ATG7: variants seen among roughly 807,000 people sequenced by gnomAD.
ATG7 encodes the protein autophagy related 7, also known as ubiquitin-like modifier-activating enzyme ATG7.
In ATG7, 70 loss-of-function variants were observed where a neutral mutation model predicts 82.4. That is an observed-to-expected ratio of 0.85 (90% CI 0.70 to 1.04). The LOEUF is 1.04. Among genes scored for constraint, ATG7 ranks in the 50% least tolerant of loss-of-function variants. The pLI is 0.00. For synonymous variants in ATG7, 287 were observed against 313.0 expected (o/e 0.92, Z 0.88); for missense variants, 792 against 864.3 (o/e 0.92, Z 1.05).
At chr3:11,382,103 T>C (rs191633885) in intron 19 of ATG7, among the ~76,000 whole-genome samples, 7 of 152,322 alleles carry the variant, frequency 4.6e-5, no homozygotes, top group South Asian at 4.1e-4. Context: ...ATTTTTTCCT[T>C]TGGTAGTTTT....
At chr3:11,275,600 C>T (rs1356756584) in intron 1 of ATG7, among the ~76,000 whole-genome samples, 3 of 150,980 alleles carry the variant, frequency 2.0e-5, no homozygotes, top group Non-Finnish European at 4.4e-5. Flanking sequence ...CCTCGTGATC[C>T]GCCTGCCTCA....
At chr3:11,431,114 A>G (rs2082836409) in intron 20 of ATG7, among the ~76,000 whole-genome samples, 1 of 152,180 alleles carries the variant, frequency 6.6e-6, no homozygotes, top group South Asian at 2.1e-4. Flanking sequence ...AAAACACACC[A>G]TTTTGGCTGG....
At chr3:11,426,994 G>A in intron 20 of ATG7, 68 bp downstream of exon 20, 2 of 1,463,362 alleles carry the variant, frequency 1.4e-6, no homozygotes, top group South Asian at 1.5e-5. Flanking sequence ...TTCGCCATAT[G>A]GAAAAGGAAG....
intron 20 of ATG7, among the ~76,000 whole-genome samples, chr3:11,502,390 A>G (rs1490600915): frequency 1.0e-5 from 1 of 97,874 alleles, no homozygotes; most frequent in Non-Finnish European, 1.9e-5. Context: ...CCACCCCACA[A>G]CAGTCCCCAG....
rs77175900 is a variant in ATG7 at position 11,384,345 on chromosome 3, C to G, written c.1956+4293C>G. Among the ~76,000 whole-genome samples, 327 of 152,322 alleles carry G rather than the reference C, an allele frequency of 2.1e-3. 1 individual carries two copies. The highest frequency in any genetic ancestry group is 7.5e-3 in the African/African-American group (312 of 41,568). On this transcript the variant is annotated intron_variant, in intron 19 of 20. Transcript: ENST00000693202. ...ATACCATCTGGGACCTGCGCAGATG[C>G]AGCAAGATGTGCCCAGAAACCTGAT... is the stretch of plus-strand genomic sequence containing the variant.
intron 19 of ATG7, among the ~76,000 whole-genome samples, chr3:11,396,116 A>AGG (rs1553641952): frequency 5.9e-5 from 8 of 135,320 alleles, no homozygotes; most frequent in Admixed American, 4.1e-4. Context: ...TCAGAAGTAT[A>AGG]GGAAAAAAAA....
intron 19 of ATG7, among the ~76,000 whole-genome samples, chr3:11,392,892 C>T (rs562958952): frequency 2.0e-5 from 3 of 152,138 alleles, no homozygotes; most frequent in Non-Finnish European, 4.4e-5. Context: ...AAGTCTCAGA[C>T]TAAATTTTGC....
chr3:11,472,108 A>T (rs1187936986), intron 20 of ATG7, among the ~76,000 whole-genome samples: 3 of 151,964 alleles, frequency 2.0e-5, no homozygotes, highest in African/African-American at 7.3e-5. Flanking sequence ...TGGAGGTTAG[A>T]CTCTCACACA....
At chr3:11,318,867 C>T (rs1199890600) in intron 9 of ATG7, among the ~76,000 whole-genome samples, 5 of 152,228 alleles carry the variant, frequency 3.3e-5, no homozygotes, top group Non-Finnish European at 7.3e-5. Context: ...TGATTCATTA[C>T]CCCAGGAAGC....
At chr3:11,318,490 CATAGGAGTT>C (rs1482164740) in intron 9 of ATG7, among the ~76,000 whole-genome samples, 3 of 152,354 alleles carry the variant, frequency 2.0e-5, no homozygotes, top group South Asian at 4.1e-4. Context: ...ATGATGGCCT[CATAGGAGTT>C]TTATAGCCTT....
intron 20 of ATG7, among the ~76,000 whole-genome samples, chr3:11,469,721 C>T (rs1175074227): frequency 6.6e-6 from 1 of 151,150 alleles, no homozygotes; most frequent in African/African-American, 2.4e-5. Context: ...CATGGTGGCT[C>T]CTGTCTGTAA....
intron 20 of ATG7, among the ~76,000 whole-genome samples, chr3:11,518,434 C>G (rs1350194455): frequency 6.6e-6 from 1 of 152,014 alleles, no homozygotes; most frequent in Non-Finnish European, 1.5e-5. Context: ...ATAGTCCCAG[C>G]TACTTGGGAG....
At chr3:11,575,971 C>T in the ATG7 span, among the ~76,000 whole-genome samples, 12 of 152,312 alleles carry the variant, frequency 7.9e-5, no homozygotes, top group Admixed American at 1.3e-4. Flanking sequence ...CCTCAGGTCA[C>T]GTTTCTGAAT....
chr3:11,542,475 C>T (rs1045342337), intron 20 of ATG7, among the ~76,000 whole-genome samples: 2 of 152,156 alleles, frequency 1.3e-5, no homozygotes, highest in African/African-American at 4.8e-5. Context: ...TTCATATTTG[C>T]TTCTTAGCAC....
At chr3:11,561,899 T>TC (rs1165060641), downstream of ATG7, among the ~76,000 whole-genome samples, 49 of 146,524 alleles carry the variant, frequency 3.3e-4, no homozygotes, top group East Asian at 8.6e-3. Flanking sequence ...AACTTTTTTT[T>TC]TTTTTTTTTT....
chr3:11,548,107 G>A (rs1264658495), intron 20 of ATG7, among the ~76,000 whole-genome samples: 1 of 152,186 alleles, frequency 6.6e-6, no homozygotes, highest in Non-Finnish European at 1.5e-5. Flanking sequence ...GCCTCCCAAA[G>A]TGCTGAAATT....
At chr3:11,309,522 A>C (rs1345877789) in intron 7 of ATG7, among the ~76,000 whole-genome samples, 2 of 151,942 alleles carry the variant, frequency 1.3e-5, no homozygotes, top group African/African-American at 2.4e-5. Flanking sequence ...AATGAACGTT[A>C]AGGGCAGCCT....
At chr3:11,571,553 G>A in the ATG7 span, among the ~76,000 whole-genome samples, 36 of 151,764 alleles carry the variant, frequency 2.4e-4, no homozygotes, top group African/African-American at 8.0e-4. Flanking sequence ...GCATGGTAGC[G>A]CCTGTAATCC....
chr3:11,384,843 C>T (rs1003967045), intron 19 of ATG7, among the ~76,000 whole-genome samples: 2 of 152,064 alleles, frequency 1.3e-5, no homozygotes, highest in African/African-American at 4.8e-5. Context: ...TGCCTGTAGT[C>T]CCAGCTACTT....
Sources: allele counts gnomAD v4.1 joint callset (sites outside exome capture counted in the v4.1 genomes callset), GRCh38; gene constraint gnomAD v4.1.1; transcripts MANE v1.5; gene names NCBI Gene and HGNC (gene_info 2026-07-23, HGNC 2026-07-21).